UBAC2: variants seen among roughly 807,000 people sequenced by gnomAD.
UBAC2 encodes the protein ubiquitin-associated domain-containing protein 2.
A neutral mutation model predicts 44.0 loss-of-function variants in UBAC2; 26 were observed. The observed-to-expected ratio is 0.59, with a 90% CI of 0.43 to 0.82. The LOEUF is 0.82. UBAC2 is among the 40% of genes least tolerant of loss of function. The pLI is 0.00. For synonymous variants in UBAC2, 155 were observed against 154.3 expected (o/e 1.00, Z -0.04); for missense variants, 329 against 419.4 (o/e 0.78, Z 1.88).
intron 7 of UBAC2, among the ~76,000 whole-genome samples, chr13:99,365,976 T>C (rs1347776064): frequency 2.6e-5 from 4 of 152,214 alleles, no homozygotes; most frequent in Admixed American, 2.0e-4. Context: ...CTGCCTTTTT[T>C]TGCCTTCGAG....
At chr13:99,358,978 A>G (rs539146406) in intron 7 of UBAC2, among the ~76,000 whole-genome samples, 1 of 152,316 alleles carries the variant, frequency 6.6e-6, no homozygotes, top group South Asian at 2.1e-4. Flanking sequence ...TCTCTACCCC[A>G]TGAAGCCCTA....
intron 7 of UBAC2, chr13:99,351,949 G>A: frequency 8.6e-6 from 3 of 350,070 alleles, no homozygotes; most frequent in South Asian, 4.3e-5. Context: ...AGTTACTTTC[G>A]CAGCATTTGG....
chr13:99,239,700 T>C (rs977656384), intron 2 of UBAC2, among the ~76,000 whole-genome samples: 1 of 152,212 alleles, frequency 6.6e-6, no homozygotes, highest in Admixed American at 6.5e-5. Flanking sequence ...AGAAGACCAC[T>C]CTTCTGTCCA....
At chr13:99,317,778 G>A (rs933175010) in intron 5 of UBAC2, among the ~76,000 whole-genome samples, 1 of 151,990 alleles carries the variant, frequency 6.6e-6, no homozygotes, top group East Asian at 1.9e-4. Flanking sequence ...TTTGCATGGG[G>A]TGTGGGCCAG....
intron 6 of UBAC2, among the ~76,000 whole-genome samples, chr13:99,322,565 AG>A (rs1446929498): frequency 1.3e-5 from 2 of 152,218 alleles, no homozygotes; most frequent in Non-Finnish European, 2.9e-5. Context: ...TATATTCCTC[AG>A]ACTTCTCCCT....
chr13:99,296,973 C>T (rs1414289844), intron 4 of UBAC2, among the ~76,000 whole-genome samples: 1 of 152,142 alleles, frequency 6.6e-6, no homozygotes, highest in Non-Finnish European at 1.5e-5. Flanking sequence ...TTGTTTCTTG[C>T]TTTATTCACC....
At chr13:99,335,770 G>A (rs1380349819) in intron 6 of UBAC2, among the ~76,000 whole-genome samples, 1 of 152,190 alleles carries the variant, frequency 6.6e-6, no homozygotes, top group African/African-American at 2.4e-5. Context: ...CAGGGCTGCA[G>A]TGGAATGAGC....
intron 1 of UBAC2, among the ~76,000 whole-genome samples, chr13:99,229,105 T>C (rs1388206738): frequency 6.6e-6 from 1 of 152,200 alleles, no homozygotes; most frequent in African/African-American, 2.4e-5. Flanking sequence ...ATGGTGGATG[T>C]AGCGAAGGGT....
chr13:99,296,182 G>A (rs1293181109), intron 4 of UBAC2: 1 of 1,523,536 alleles, frequency 6.6e-7, no homozygotes, highest in Non-Finnish European at 8.8e-7. Context: ...AAACCAAGAA[G>A]GATCATATAA....
At chr13:99,234,176 T>C (rs1307768256) in intron 1 of UBAC2, among the ~76,000 whole-genome samples, 63 of 62,548 alleles carry the variant, frequency 1.0e-3, no homozygotes, top group Non-Finnish European at 1.3e-3. Context: ...CGTTTCTTTT[T>C]TTTTTTTTTT....
intron 6 of UBAC2, among the ~76,000 whole-genome samples, chr13:99,330,356 G>C (rs575343270): frequency 1.3e-5 from 2 of 148,390 alleles, no homozygotes; most frequent in South Asian, 4.3e-4. Flanking sequence ...CTATTCAGGA[G>C]GCTGAGGCAG....
chr13:99,334,370 G>A (rs557761563), intron 6 of UBAC2, among the ~76,000 whole-genome samples: 166 of 152,148 alleles, frequency 1.1e-3, no homozygotes, highest in Non-Finnish European at 1.3e-3. Flanking sequence ...TTGTCAGTAG[G>A]TTCTTGGAAA....
intron 4 of UBAC2, among the ~76,000 whole-genome samples, chr13:99,306,385 A>G (rs527797454): frequency 1.3e-5 from 2 of 152,112 alleles, no homozygotes; most frequent in Admixed American, 1.3e-4. Flanking sequence ...CTGAAGCCAG[A>G]TATTAGGTAA....
intron 1 of UBAC2, among the ~76,000 whole-genome samples, chr13:99,226,539 G>A (rs1248487525): frequency 6.6e-6 from 1 of 152,102 alleles, no homozygotes; most frequent in Admixed American, 6.5e-5. Context: ...AGCAACCAAA[G>A]TGATCATTCA....
intron 1 of UBAC2, among the ~76,000 whole-genome samples, chr13:99,227,050 T>A (rs562989852): frequency 3.3e-5 from 5 of 152,038 alleles, no homozygotes; most frequent in Admixed American, 2.0e-4. Flanking sequence ...AATACAAAAT[T>A]AGCCAGTTGT....
At chr13:99,263,453 G>A (rs2043696928) in intron 4 of UBAC2, among the ~76,000 whole-genome samples, 1 of 152,212 alleles carries the variant, frequency 6.6e-6, no homozygotes, top group Non-Finnish European at 1.5e-5. Context: ...AACCACAGCA[G>A]GGTATTATCC....
chr13:99,283,271 C>G (rs1177820369), intron 4 of UBAC2, among the ~76,000 whole-genome samples: 1 of 152,178 alleles, frequency 6.6e-6, no homozygotes, highest in Non-Finnish European at 1.5e-5. Context: ...GCAGCTGGTT[C>G]ATAGAGACAC....
chr13:99,244,383 A>G (rs1029587041), intron 3 of UBAC2, 132 bp from the exon 4 acceptor site: 4 of 591,186 alleles, frequency 6.8e-6, no homozygotes, highest in Admixed American at 6.4e-5. Flanking sequence ...ATATACACAC[A>G]TATGCATGTG....
chr13:99,385,469 C>T lies in UBAC2; in HGVS notation c.*134C>T. 4.4e-6 allele frequency: 3 copies of T among 675,128 alleles called. No individual in the cohort carries two copies. The highest frequency in any genetic ancestry group is 7.8e-6 in the Non-Finnish European group (3 of 386,074). 41.8% of individuals were successfully genotyped at this position (675,128 alleles called of 1,614,324 possible). A position where few individuals can be genotyped will look rare whatever the true frequency, so the allele number is the denominator to read the frequency against. ...GGAAGAGGGAGGTTCCACCGCACCC[C>T]TGCCCTCAACCGCAAGACTGTTGCC... is the stretch of plus-strand genomic sequence containing the variant. On this transcript the variant is annotated 3_prime_UTR_variant, in exon 9 of 9. Transcript: ENST00000403766.
Sources: gnomAD v4.1 joint callset for allele counts (sites outside exome capture counted in the v4.1 genomes callset) on GRCh38, gnomAD v4.1.1 for gene constraint, MANE v1.5 for transcripts, NCBI Gene and HGNC (gene_info 2026-07-23, HGNC 2026-07-21) for gene names.